LILRB2: variants seen among roughly 807,000 people sequenced by gnomAD.
LILRB2 encodes the protein leukocyte immunoglobulin like receptor B2, also known as leukocyte immunoglobulin-like receptor subfamily B member 2.
Under a neutral mutation model 72.7 loss-of-function variants are expected in LILRB2, and 47 were observed. The observed-to-expected ratio is 0.65, with a 90% confidence interval of 0.51 to 0.82. The LOEUF (loss-of-function observed/expected upper bound fraction) is 0.82, where lower values mean the gene tolerates loss of function less well. LILRB2 is among the 40% of genes least tolerant of loss of function. The probability of loss-of-function intolerance (pLI) is 0.00; values close to 1 mark genes in which losing one functional copy is unlikely to be tolerated. For missense variants in LILRB2, 767 were observed against 764.8 expected, an observed-to-expected ratio of 1.00 and a Z score of -0.03; for synonymous variants, 279 against 313.7, an observed-to-expected ratio of 0.89 and a Z score of 1.17.
intron 13 of LILRB2, chr19:54,275,584 A>T: frequency 1.9e-6 from 1 of 526,706 alleles, no homozygotes. Flanking sequence ...CTGTGTCTGC[A>T]GCTCCCATGG....
chr19:54,280,697 T>C, intron 1 of LILRB2, 153 bp from the exon 2 acceptor site: 2 of 987,668 alleles, frequency 2.0e-6, no homozygotes, highest in Non-Finnish European at 3.0e-6. Context: ...CTCATTCTTT[T>C]AGAGCTGAGG....
rs879113257 is a variant in LILRB2, at chr19:54,281,038, A to G, written c.-126T>C. On this transcript the variant is annotated 5_prime_UTR_variant, in exon 1 of 14. Coordinates refer to ENST00000314446, the MANE Select transcript of LILRB2 (RefSeq NM_001080978.4). ...ATGCTGCAGGCAGACTCAGATCAGC[A>G]GAGAAGCATCTCGCCTCTGGCTGTG... 5,162 of 570,870 alleles carry G rather than the reference A, an allele frequency of 9.0e-3. 1 individual carries two copies. Among genetic ancestry groups the G allele is most frequent in the South Asian group, 0.061 (4,070 of 66,408 alleles). The allele number at this position is 570,870 out of a possible 1,614,324, so 35.4% of individuals were successfully genotyped here. A position where few individuals can be genotyped will look rare whatever the true frequency, so the allele number is the denominator to read the frequency against.
chr19:54,277,156 T>C (rs3855678), intron 9 of LILRB2: 735,037 of 1,493,222 alleles, frequency 0.49, 188,405 homozygotes, highest in Non-Finnish European at 0.53. Context: ...GAAGGGAGCC[T>C]GGGAGTCTGA....
chr19:54,274,959 G>A, intron 13 of LILRB2, 130 bp from the exon 14 acceptor site: 1 of 1,610,414 alleles, frequency 6.2e-7, no homozygotes, highest in Non-Finnish European at 8.5e-7. Context: ...TTGTGTCCAG[G>A]AATTCCCCGG....
intron 6 of LILRB2, 112 bp downstream of exon 6, chr19:54,278,700 T>C: frequency 2.7e-6 from 4 of 1,497,006 alleles, no homozygotes; most frequent in Non-Finnish European, 3.6e-6. Context: ...TCTCTCTGTC[T>C]CTCCCTCCCT....
Position 54,279,978 on chromosome 19 carries a change from C to T in LILRB2, c.168G>A (p.Gln56=), listed in dbSNP as rs1349029725. 2 of 1,614,006 alleles carry T rather than the reference C, an allele frequency of 1.2e-6. No individual in the cohort carries two copies. The highest frequency in any genetic ancestry group is 1.1e-5 in the South Asian group (1 of 91,094). Reference sequence around the variant, plus strand: ...TTTTCTCCCTATATAGACGGTACTCCTGGGCTTCAAGGCTCCCCTGACAAC... The same window carrying T: ...TTTTCTCCCTATATAGACGGTACTCTTGGGCTTCAAGGCTCCCCTGACAAC... The part of the protein sequence containing the change: ...TLSCQGSLEA[Q]EYRLYREKKS... Residue 56 remains glutamine (Q), a synonymous_variant, in exon 4 of 14, where the codon CAG becomes CAA. Transcript: ENST00000314446.
chr19:54,276,002 A>C lies in LILRB2; in HGVS notation c.1596T>G (p.Tyr532Ter), dbSNP rs1305207232. Residue 532 changes from tyrosine to a stop codon, truncating the protein, a stop_gained and splice_region_variant, in exon 13 of 14, where the codon TAT (tyrosine) becomes TAG (stop). Coordinates refer to ENST00000314446, the MANE Select transcript of LILRB2 (RefSeq NM_001080978.4). LOFTEE classifies it high-confidence loss of function. ...PAADAQEENL[Y>*]AAVKDTQPED... is the part of the protein sequence containing the mutation. ...CAGGCTGTGTGTCCTTCACGGCAGC[A>C]TCTGCTGGGGCAGAGCAAGGGGTTC... is the stretch of plus-strand genomic sequence containing the variant. 1.2e-6 allele frequency: 2 copies of C among 1,614,122 alleles called. No homozygotes were observed. The highest frequency in any genetic ancestry group is 2.7e-5 in the African/African-American group (2 of 75,054).
In LILRB2 at chr19:54,275,983, G is replaced by A. The variant is rs1466647504; in HGVS notation, c.1615C>T (p.Gln539Ter). The change falls in exon 13 of 14, where the codon CAG becomes TAG. Residue 539 changes from glutamine (Q) to a stop codon, truncating the protein, a stop_gained. Coordinates refer to ENST00000314446, the MANE Select transcript of LILRB2 (RefSeq NM_001080978.4). LOFTEE classifies it high-confidence loss of function. Reference protein sequence around the residue: ...ENLYAAVKDTQPEDGVEMDTR... With the variant: ...ENLYAAVKDT ...TCCATCTCCACCCCATCTTCAGGCTGTGTGTCCTTCACGGCAGCATCTGCT... is the reference window on the plus strand; with the variant it reads ...TCCATCTCCACCCCATCTTCAGGCTATGTGTCCTTCACGGCAGCATCTGCT... 6.2e-7 allele frequency: 1 copy of A among 1,614,176 alleles called. No homozygotes were observed. Among genetic ancestry groups the A allele is most frequent in the Non-Finnish European group, 8.5e-7 (1 of 1,179,986 alleles).
At position 54,278,524 on chromosome 19, in the gene LILRB2, C is replaced by A. The variant is rs2080367649; in HGVS notation, c.994G>T (p.Gly332Cys). 6.2e-7 allele frequency: 1 copy of A among 1,614,154 alleles called. No homozygotes were observed. The highest frequency in any genetic ancestry group is 1.3e-5 in the African/African-American group (1 of 74,954). Reference protein sequence around the residue: ...RGTPFISVQPGPTVASGENVT... With the variant: ...RGTPFISVQPCPTVASGENVT... The stretch of plus-strand genomic sequence containing the variant: ...TTCTCTCCTGAGGCCACTGTGGGGC[C>A]TGGCTGCACTGAGATGAAGGGTGTG... The change falls in exon 7 of 14, where the codon GGC becomes TGC. Residue 332 changes from glycine (G) to cysteine (C), a missense_variant. Physicochemically the swap from Gly to Cys is radical, Grantham distance 159 (BLOSUM62 -3). Transcript: ENST00000314446.
chr19:54,280,071 G>T lies in LILRB2; in HGVS notation c.75C>A (p.Thr25=), dbSNP rs781041732. Residue 25 remains threonine (T), a synonymous_variant, in exon 4 of 14, where the codon ACC becomes ACA. Transcript: ENST00000314446. ...LGPRTRVQTG[T]IPKPTLWAEP... is the part of the protein sequence containing the mutation. ...CAGCCCACAGGGTGGGCTTGGGGAT[G>T]GTCCCTGGAAGGAAATCAAAGGTCA... 6.2e-7 allele frequency: 1 copy of T among 1,613,680 alleles called. No homozygotes were observed. The highest frequency in any genetic ancestry group is 8.5e-7 in the Non-Finnish European group (1 of 1,179,754).
In LILRB2 at chr19:54,278,988, C is replaced by G. The variant is rs373672504; in HGVS notation, c.779G>C (p.Gly260Ala). The G allele has an allele frequency of 5.6e-6, 9 of 1,614,106 alleles. No homozygotes were observed. The highest frequency in any genetic ancestry group is 1.3e-5 in the African/African-American group (1 of 74,944). Residue 260 changes from glycine (G) to alanine (A), a missense_variant, in exon 6 of 14, where the codon GGG (glycine) becomes GCG (alanine). Transcript: ENST00000314446. ...AGGGAGCTGGCGAAGGTCACGTTCC[C>G]CCTCCTTGTACAGAACAAATCTGTC... is the stretch of plus-strand genomic sequence containing the variant. ...GYDRFVLYKEGERDLRQLPGR... is the reference protein window; with the variant it reads ...GYDRFVLYKEAERDLRQLPGR...
chr19:54,280,127 T>G, intron 3 of LILRB2, 52 bp from the exon 4 acceptor site: 1 of 1,609,320 alleles, frequency 6.2e-7, no homozygotes. Flanking sequence ...CCAACAGATC[T>G]CAGCTCTCAG....
intron 1 of LILRB2, 24 bp from the exon 2 acceptor site, chr19:54,280,568 G>C: frequency 6.2e-7 from 1 of 1,611,776 alleles, no homozygotes; most frequent in South Asian, 1.1e-5. Context: ...GACACACAGA[G>C]AGAAATAGCC....
chr19:54,278,817 A>G lies in LILRB2; in HGVS notation c.950T>C (p.Ile317Thr), dbSNP rs150523334. The change falls in exon 6 of 14, where the codon ATC (isoleucine) becomes ACC (threonine). Residue 317 changes from isoleucine (I) to threonine (T), a missense_variant. Physicochemically the swap from Ile to Thr is moderately conservative, Grantham distance 89. Coordinates refer to ENST00000314446, the MANE Select transcript of LILRB2 (RefSeq NM_001080978.4). The stretch of plus-strand genomic sequence containing the variant: ...GAACCCGCTGGGCTCCTCACCTGTG[A>G]TCAGGATGTCCAGGGGGTCGCTGGG... ...SAPSDPLDIL[I>T]TGQIRGTPFI... 1.7e-4 allele frequency: 270 copies of G among 1,612,266 alleles called. No homozygotes were observed. Among genetic ancestry groups the G allele is most frequent in the Middle Eastern group, 9.9e-4 (5 of 5,050 alleles).
At chr19:54,277,220 GCCTTA>G in intron 9 of LILRB2, 4 of 1,536,546 alleles carry the variant, frequency 2.6e-6, no homozygotes, top group African/African-American at 1.4e-5. Flanking sequence ...CAGGGAAAGA[GCCTTA>G]CCGTCCTGAA....
chr19:54,279,410 C>G lies in LILRB2; in HGVS notation c.593G>C (p.Gly198Ala), dbSNP rs200902973. ...CACATAGGGAGAGTTCAAGTCATAACCATAGCACCTGTGCGACCACCTGCG... is the reference window on the plus strand; with the variant it reads ...CACATAGGGAGAGTTCAAGTCATAAGCATAGCACCTGTGCGACCACCTGCG... ...PNRRWSHRCY[G>A]YDLNSPYVWS... The change falls in exon 5 of 14, where the codon GGT becomes GCT. Residue 198 changes from glycine to alanine, a missense_variant. Gly to Ala is a moderately conservative substitution (Grantham distance 60, BLOSUM62 0). Transcript: ENST00000314446. 2.1e-5 allele frequency: 34 copies of G among 1,614,156 alleles called. No homozygotes were observed. The highest frequency in any genetic ancestry group is 5.5e-5 in the South Asian group (5 of 91,078).
In LILRB2 at chr19:54,278,369, C is replaced by T; in HGVS notation, c.1149G>A (p.Met383Ile). The T allele has an allele frequency of 6.2e-7, 1 of 1,614,212 alleles. No homozygotes were observed. Residue 383 changes from methionine (M) to isoleucine (I), a missense_variant, in exon 7 of 14, where the codon ATG (methionine) becomes ATA (isoleucine). Met to Ile is a conservative substitution (Grantham distance 10). Transcript: ENST00000314446. ...EYPKYQAEFPMSPVTSAHAGT... is the reference protein window; with the variant it reads ...EYPKYQAEFPISPVTSAHAGT... Reference sequence around the variant, plus strand: ...CCGCGTGGGCTGAGGTCACAGGACTCATGGGGAATTCAGCCTGGTACTTAG... The same window carrying T: ...CCGCGTGGGCTGAGGTCACAGGACTTATGGGGAATTCAGCCTGGTACTTAG...
At position 54,279,887 on chromosome 19, in the gene LILRB2, A is replaced by G; in HGVS notation, c.259T>C (p.Ser87Pro). 1 of 1,613,988 alleles carries G rather than the reference A, an allele frequency of 6.2e-7. No homozygotes were observed. Among genetic ancestry groups the G allele is most frequent in the Non-Finnish European group, 8.5e-7 (1 of 1,179,968 alleles). The part of the protein sequence containing the change: ...LVKNGQFHIP[S>P]ITWEHTGRYG... ...CGCCCTGTGTGTTCCCAGGTGATGG[A>G]TGGGATGTGGAACTGGCCGTTCTTC... The change falls in exon 4 of 14, where the codon TCC becomes CCC. Residue 87 changes from serine to proline, a missense_variant. By Grantham distance (74) the Ser-to-Pro change is moderately conservative. Transcript: ENST00000314446.
In LILRB2 at chr19:54,274,934, C is replaced by A. The variant is rs2080152291; in HGVS notation, c.1648-105G>T. The A allele has an allele frequency of 2.5e-6, 4 of 1,610,752 alleles. No homozygotes were observed. The Admixed American group carries it at 5.0e-5, about 20-fold the overall frequency. On this transcript the variant is annotated intron_variant, in intron 13 of 13. Coordinates refer to ENST00000314446, the MANE Select transcript of LILRB2 (RefSeq NM_001080978.4). ...TCAGTGTCCATCTGTCTGTCCTCTT[C>A]TGCCTGTCTGTCCTTTGTGTCCAGG...
Sources: allele counts gnomAD v4.1 joint callset, GRCh38; gene constraint gnomAD v4.1.1; transcripts MANE v1.5; gene names NCBI Gene and HGNC (gene_info 2026-07-23, HGNC 2026-07-21).